The following MTDH variants were observed in gnomAD, a reference collection of about 807,000 sequenced individuals.
MTDH encodes the protein protein LYRIC.
A neutral mutation model predicts 72.7 loss-of-function variants in MTDH; 34 were observed. The ratio of observed to expected loss-of-function variants is 0.47; its 90% CI spans 0.36 to 0.62. The LOEUF (loss-of-function observed/expected upper bound fraction) is 0.62. Ranked by LOEUF, MTDH falls within the 20% of genes least tolerant of loss-of-function variation. MTDH has a pLI of 0.00. For missense variants in MTDH, 677 were observed against 699.4 expected (o/e 0.97, Z 0.36); for synonymous variants, 266 against 268.9 (o/e 0.99, Z 0.10).
At chr8:97,693,098 G>A (rs560009354) in intron 6 of MTDH, among the ~76,000 whole-genome samples, 1 of 152,242 alleles carries the variant, frequency 6.6e-6, no homozygotes, top group Admixed American at 6.5e-5. Context: ...GAATATGGAT[G>A]TTTGTAATGC....
At chr8:97,663,423 T>A (rs1332727991) in intron 2 of MTDH, among the ~76,000 whole-genome samples, 3 of 152,120 alleles carry the variant, frequency 2.0e-5, no homozygotes, top group East Asian at 3.9e-4. Context: ...TAGGGACAGC[T>A]TATTGAGTAC....
Position 97,644,436 on chromosome 8 carries a change from C to G in MTDH, c.-71C>G. ...GGTTACCCGGCCCGGCCCTTCCTCG[C>G]TTCCCTCGACTATTCCACTGCGTCT... On this transcript the variant is annotated 5_prime_UTR_variant, in exon 1 of 12. Coordinates refer to ENST00000336273, the MANE Select transcript of MTDH (RefSeq NM_178812.4). 1 of 1,494,962 alleles carries G rather than the reference C, an allele frequency of 6.7e-7. No homozygotes were observed. Among genetic ancestry groups the G allele is most frequent in the Non-Finnish European group, 8.8e-7 (1 of 1,130,806 alleles). The allele number at this position is 1,494,962 out of a possible 1,614,324, so 92.6% of individuals were successfully genotyped here.
intron 10 of MTDH, 91 bp downstream of exon 10, chr8:97,719,280 G>A (rs1230233693): frequency 7.4e-7 from 1 of 1,355,906 alleles, no homozygotes; most frequent in African/African-American, 1.5e-5. Flanking sequence ...AGGTCATGAG[G>A]TCAGGAGTTC....
At chr8:97,706,570 G>A in intron 7 of MTDH, 56 bp from the exon 8 acceptor site, 1 of 1,454,270 alleles carries the variant, frequency 6.9e-7, no homozygotes, top group Non-Finnish European at 9.1e-7. Flanking sequence ...TTTAGTTTTT[G>A]CCTTTTAATT....
At chr8:97,677,863 A>G (rs1241845492) in intron 2 of MTDH, among the ~76,000 whole-genome samples, 1 of 152,144 alleles carries the variant, frequency 6.6e-6, no homozygotes, top group African/African-American at 2.4e-5. Flanking sequence ...TTTAATTATA[A>G]ATGACTGGAT....
At chr8:97,649,819 G>A (rs979296715) in intron 1 of MTDH, among the ~76,000 whole-genome samples, 1 of 152,092 alleles carries the variant, frequency 6.6e-6, no homozygotes, top group Non-Finnish European at 1.5e-5. Flanking sequence ...CCCACGCATG[G>A]ACTCAAACTC....
At chr8:97,668,321 T>G (rs1276991222) in intron 2 of MTDH, among the ~76,000 whole-genome samples, 2 of 152,074 alleles carry the variant, frequency 1.3e-5, no homozygotes, top group African/African-American at 4.8e-5. Flanking sequence ...AAGATCTTTA[T>G]AACTCAGTGA....
chr8:97,647,124 C>T (rs908101712), intron 1 of MTDH, among the ~76,000 whole-genome samples: 1 of 152,104 alleles, frequency 6.6e-6, no homozygotes, highest in Non-Finnish European at 1.5e-5. Flanking sequence ...TGAAGAAAAG[C>T]AAGATACTGC....
rs760550380 is a variant in MTDH, at chr8:97,690,932, T to C, written c.812-20T>C. 8 of 1,552,430 alleles carry C rather than the reference T, an allele frequency of 5.2e-6. No homozygotes were observed. The highest frequency in any genetic ancestry group is 7.0e-6 in the Non-Finnish European group (8 of 1,137,556). On this transcript the variant is annotated intron_variant, in intron 5 of 11. Coordinates refer to ENST00000336273, the MANE Select transcript of MTDH (RefSeq NM_178812.4). Reference sequence around the variant, plus strand: ...GAAGTCATGTACCTGTTTTTTAATATTCATTTTCTTTTCTTTAAGTTTCTT... The same window carrying C: ...GAAGTCATGTACCTGTTTTTTAATACTCATTTTCTTTTCTTTAAGTTTCTT...
At chr8:97,690,803 G>A in intron 5 of MTDH, 149 bp from the exon 6 acceptor site, 1 of 615,384 alleles carries the variant, frequency 1.6e-6, no homozygotes, top group Non-Finnish European at 2.7e-6. Context: ...CAAGCCTCCT[G>A]TTTTTAAATT....
intron 10 of MTDH, among the ~76,000 whole-genome samples, chr8:97,722,060 C>T (rs749509244): frequency 3.9e-5 from 6 of 152,082 alleles, no homozygotes; most frequent in Admixed American, 6.6e-5. Flanking sequence ...ATTTTTGAAG[C>T]GTTCTGAGTT....
At chr8:97,664,385 A>ACT (rs960068322) in intron 2 of MTDH, among the ~76,000 whole-genome samples, 4 of 151,500 alleles carry the variant, frequency 2.6e-5, no homozygotes, top group African/African-American at 9.7e-5. Flanking sequence ...CAGTTTCTGG[A>ACT]CTAGGATGTG....
At chr8:97,689,618 T>C (rs367858067) in intron 5 of MTDH, among the ~76,000 whole-genome samples, 3 of 152,112 alleles carry the variant, frequency 2.0e-5, no homozygotes, top group Non-Finnish European at 2.9e-5. Flanking sequence ...AAGATTGAAT[T>C]AAGTAGAGTG....
chr8:97,661,709 G>C (rs1239578596), intron 2 of MTDH, among the ~76,000 whole-genome samples: 1 of 152,094 alleles, frequency 6.6e-6, no homozygotes, highest in Non-Finnish European at 1.5e-5. Flanking sequence ...TTGGTAGGCC[G>C]AAGTGGGTAG....
chr8:97,662,551 C>T (rs1267831765), intron 2 of MTDH, among the ~76,000 whole-genome samples: 1 of 151,560 alleles, frequency 6.6e-6, no homozygotes, highest in Non-Finnish European at 1.5e-5. Context: ...TTTGGGAGCC[C>T]AAGGCAGGTG....
intron 6 of MTDH, among the ~76,000 whole-genome samples, chr8:97,699,135 A>G (rs2131030593): frequency 6.6e-6 from 1 of 152,224 alleles, no homozygotes; most frequent in East Asian, 1.9e-4. Context: ...AAAAAATACA[A>G]AAATTAGCTG....
At chr8:97,645,017 C>T (rs1811510223) in intron 1 of MTDH, 130 bp downstream of exon 1, 1 of 1,036,602 alleles carries the variant, frequency 9.6e-7, no homozygotes, top group Admixed American at 3.8e-5. Context: ...GCAGCACTCC[C>T]AAGTGGAGGA....
intron 4 of MTDH, among the ~76,000 whole-genome samples, chr8:97,688,512 G>GT (rs1236586567): frequency 1.3e-5 from 2 of 152,128 alleles, no homozygotes; most frequent in Admixed American, 6.6e-5. Context: ...TGTCATGCTG[G>GT]TTTTTTTAAA....
At chr8:97,712,632 A>G (rs1212963522) in intron 8 of MTDH, among the ~76,000 whole-genome samples, 2 of 152,228 alleles carry the variant, frequency 1.3e-5, no homozygotes, top group Non-Finnish European at 1.5e-5. Context: ...GTGTTATGAT[A>G]GTTGCATATT....
Sources: allele counts gnomAD v4.1 joint callset (sites outside exome capture counted in the v4.1 genomes callset), GRCh38; gene constraint gnomAD v4.1.1; transcripts MANE v1.5; gene names NCBI Gene and HGNC (gene_info 2026-07-23, HGNC 2026-07-21).